The following TENM3 variants were observed in gnomAD, a reference collection of about 807,000 sequenced individuals.
TENM3 encodes teneurin transmembrane protein 3.
A neutral mutation model predicts 255.1 loss-of-function variants in TENM3; 63 were observed. The observed-to-expected ratio is 0.25, with a 90% CI of 0.20 to 0.30. TENM3 has a LOEUF of 0.30. TENM3 is among the 10% of genes least tolerant of loss of function. The pLI is 1.00. For missense variants in TENM3, 2,929 were observed against 3,461.1 expected (o/e 0.85, Z 3.86); for synonymous variants, 1,306 against 1,322.3 (o/e 0.99, Z 0.27).
intron 3 of TENM3, among the ~76,000 whole-genome samples, chr4:182,511,875 A>G (rs1737432574): frequency 6.6e-6 from 1 of 152,226 alleles, no homozygotes; most frequent in South Asian, 2.1e-4. Flanking sequence ...AAGGTGCTTT[A>G]CATGTATTAT....
chr4:182,351,770 C>T (rs1665043081), intron 3 of TENM3, among the ~76,000 whole-genome samples: 2 of 152,110 alleles, frequency 1.3e-5, no homozygotes, highest in African/African-American at 4.8e-5. Context: ...TACCACCTCC[C>T]GACTTTGAGA....
chr4:182,013,601 C>CT, the TENM3 span, among the ~76,000 whole-genome samples: 1 of 152,132 alleles, frequency 6.6e-6, no homozygotes, highest in Non-Finnish European at 1.5e-5. Flanking sequence ...TCAAGGACTT[C>CT]TAGGGACCAG....
At chr4:181,662,357 C>T in the TENM3 span, among the ~76,000 whole-genome samples, 1 of 152,104 alleles carries the variant, frequency 6.6e-6, no homozygotes, top group Non-Finnish European at 1.5e-5. Context: ...TAACAATTTG[C>T]CAAAATCCTT....
At chr4:182,411,844 G>A (rs1049214784) in intron 3 of TENM3, among the ~76,000 whole-genome samples, 7 of 152,152 alleles carry the variant, frequency 4.6e-5, no homozygotes, top group Admixed American at 4.6e-4. Context: ...TTGGTTCTAA[G>A]TACCAGTCAC....
chr4:181,624,318 C>T, the TENM3 span, among the ~76,000 whole-genome samples: 1 of 152,214 alleles, frequency 6.6e-6, no homozygotes, highest in Non-Finnish European at 1.5e-5. Context: ...AGCTGTCCAA[C>T]CACGCACTGG....
At chr4:182,696,766 G>A (rs2152622446) in intron 12 of TENM3, among the ~76,000 whole-genome samples, 1 of 151,372 alleles carries the variant, frequency 6.6e-6, no homozygotes, top group Non-Finnish European at 1.5e-5. Flanking sequence ...TCATGTTTGT[G>A]GTATTAACTG....
the TENM3 span, among the ~76,000 whole-genome samples, chr4:181,728,548 A>C: frequency 6.6e-6 from 1 of 152,186 alleles, no homozygotes. Flanking sequence ...TGGCATTTAT[A>C]AACTGTCGTG....
At chr4:181,979,856 AGTTT>A in the TENM3 span, among the ~76,000 whole-genome samples, 3 of 152,068 alleles carry the variant, frequency 2.0e-5, no homozygotes, top group East Asian at 1.9e-4. Context: ...TATGTTTTTA[AGTTT>A]GTTTGTTTGT....
At chr4:181,724,148 G>T in the TENM3 span, among the ~76,000 whole-genome samples, 1 of 152,230 alleles carries the variant, frequency 6.6e-6, no homozygotes, top group South Asian at 2.1e-4. Flanking sequence ...GGCGTTTGAT[G>T]CTTAGAGAAC....
At chr4:182,069,543 C>A in the TENM3 span, among the ~76,000 whole-genome samples, 2 of 152,150 alleles carry the variant, frequency 1.3e-5, no homozygotes, top group South Asian at 2.1e-4. Context: ...TATTTATTTG[C>A]CCCTTTGTCA....
At chr4:181,605,576 GAA>G in the TENM3 span, among the ~76,000 whole-genome samples, 16 of 23,152 alleles carry the variant, frequency 6.9e-4, 1 homozygote, top group East Asian at 0.014. Flanking sequence ...GAAAGAGAGA[GAA>G]AGAAAGGAAA....
chr4:182,036,234 C>T, the TENM3 span, among the ~76,000 whole-genome samples: 3 of 152,086 alleles, frequency 2.0e-5, no homozygotes, highest in African/African-American at 4.8e-5. Flanking sequence ...CTCTATCGCC[C>T]AGGCTGGAGT....
At chr4:181,500,036 C>CA in the TENM3 span, among the ~76,000 whole-genome samples, 1 of 148,348 alleles carries the variant, frequency 6.7e-6, no homozygotes, top group African/African-American at 2.5e-5. Flanking sequence ...ACAAAATCCA[C>CA]TTTTTTTTTG....
Position 182,162,616 on chromosome 4 carries a change from A to G in TENM3, c.-76+17862A>G, listed in dbSNP as rs1248413359. On this transcript the variant is annotated intron_variant, in intron 1 of 2. Coordinates refer to the TENM3 transcript ENST00000512480. ...ACACCTGAGACTAGACAGTTTATAG[A>G]CAATAGAAATTTATTTTTCAGTTTG... Among the ~76,000 whole-genome samples the G allele has an allele frequency of 2.0e-5, 3 of 152,180 alleles. No individual in the cohort carries two copies. In the East Asian group the frequency reaches 5.8e-4, roughly 29 times the overall value.
the TENM3 span, among the ~76,000 whole-genome samples, chr4:181,992,990 A>G: frequency 6.6e-6 from 1 of 152,268 alleles, no homozygotes; most frequent in African/African-American, 2.4e-5. Context: ...GTATTCAATA[A>G]GAGTAGACTT....
chr4:181,985,741 T>C, the TENM3 span, among the ~76,000 whole-genome samples: 1 of 152,138 alleles, frequency 6.6e-6, no homozygotes, highest in East Asian at 1.9e-4. Context: ...TTCCCTAACA[T>C]AAACAATCCC....
At chr4:181,739,776 CG>C in the TENM3 span, among the ~76,000 whole-genome samples, 1 of 152,040 alleles carries the variant, frequency 6.6e-6, no homozygotes, top group African/African-American at 2.4e-5. Flanking sequence ...TTTAAGATGT[CG>C]GTTTTCTTGT....
the TENM3 span, among the ~76,000 whole-genome samples, chr4:181,841,754 G>T: frequency 1.3e-5 from 2 of 152,092 alleles, no homozygotes; most frequent in Non-Finnish European, 2.9e-5. Context: ...GCATAAGGCT[G>T]ATTTGGGGGC....
the TENM3 span, among the ~76,000 whole-genome samples, chr4:181,807,783 T>A: frequency 6.6e-6 from 1 of 152,236 alleles, no homozygotes; most frequent in Non-Finnish European, 1.5e-5. Context: ...GAGTTAAAGT[T>A]ACATGATGTG....
Sources: gnomAD v4.1 joint callset for allele counts (sites outside exome capture counted in the v4.1 genomes callset) on GRCh38, gnomAD v4.1.1 for gene constraint, MANE v1.5 for transcripts, NCBI Gene and HGNC (gene_info 2026-07-23, HGNC 2026-07-21) for gene names.